The following EIF2AK2 variants were observed in gnomAD, a reference collection of about 807,000 sequenced individuals.
The protein encoded by EIF2AK2 is interferon-induced, double-stranded RNA-activated protein kinase.
In EIF2AK2, 40 loss-of-function variants were observed where a neutral mutation model predicts 70.5. The observed-to-expected ratio is 0.57, with a 90% CI of 0.44 to 0.74. EIF2AK2 has a LOEUF of 0.74. EIF2AK2 is among the 30% of genes least tolerant of loss of function. EIF2AK2 has a pLI of 0.00. For missense variants in EIF2AK2, 555 were observed against 644.3 expected, an observed-to-expected ratio of 0.86 and a Z score of 1.50; for synonymous variants, 198 against 220.9, an observed-to-expected ratio of 0.90 and a Z score of 0.92.
intron 2 of EIF2AK2, chr2:37,148,437 A>C: frequency 5.2e-6 from 2 of 386,884 alleles, no homozygotes; most frequent in Non-Finnish European, 4.9e-6. Context: ...TCCTGCCGGA[A>C]GCCAGGCGGA....
At position 37,109,231 on chromosome 2, in the gene EIF2AK2, A is replaced by T; in HGVS notation, c.1442T>A (p.Leu481His). 6.2e-7 allele frequency: 1 copy of T among 1,614,212 alleles called. No individual in the cohort carries two copies. Among genetic ancestry groups the T allele is most frequent in the Non-Finnish European group, 8.5e-7 (1 of 1,180,032 alleles). Residue 481 changes from leucine (L) to histidine (H), a missense_variant, in exon 15 of 17, where the codon CTT (leucine) becomes CAT (histidine). By Grantham distance (99) the Leu-to-His change is moderately conservative. Around this residue, in one of 3 missense-constraint regions of EIF2AK2, gnomAD observed 299 missense variants for 375.4 expected, o/e 0.80. Coordinates refer to ENST00000233057, the MANE Select transcript of EIF2AK2 (RefSeq NM_001135651.3). ...AAAAGCAGTGTCACATACATGAAGAAGTTCAGCAAGAATTAGCCCCAAAGC... is the reference window on the plus strand; with the variant it reads ...AAAAGCAGTGTCACATACATGAAGATGTTCAGCAAGAATTAGCCCCAAAGC... Reference protein sequence around the residue: ...LYALGLILAELLHVCDTAFET... With the variant: ...LYALGLILAEHLHVCDTAFET...
In EIF2AK2 at chr2:37,099,865, G is replaced by A. The variant is rs1346569286; in HGVS notation, c.*7408C>T. 6.6e-6 allele frequency: 1 copy of A among 152,204 alleles called. No individual in the cohort carries two copies. The highest frequency in any genetic ancestry group is 1.5e-5 in the Non-Finnish European group (1 of 68,036). 9.4% of individuals were successfully genotyped at this position (152,204 alleles called of 1,614,324 possible). ...TGCTGATTCATGCCACAGCTGGGATGCACCTTGAAAATATACTCAGTGAAA... is the reference window on the plus strand; with the variant it reads ...TGCTGATTCATGCCACAGCTGGGATACACCTTGAAAATATACTCAGTGAAA... On this transcript the variant is annotated 3_prime_UTR_variant, in exon 17 of 17. Coordinates refer to ENST00000233057, the MANE Select transcript of EIF2AK2 (RefSeq NM_001135651.3).
chr2:37,127,050 A>G (rs1393101314), intron 10 of EIF2AK2, among the ~76,000 whole-genome samples: 1 of 147,490 alleles, frequency 6.8e-6, no homozygotes, highest in African/African-American at 2.5e-5. Context: ...AGGAACTGCT[A>G]TATTGTGCTC....
In EIF2AK2 at chr2:37,156,939, G is replaced by A; in HGVS notation, c.-215C>T. On this transcript the variant is annotated 5_prime_UTR_variant, in exon 1 of 17. Coordinates refer to ENST00000233057, the MANE Select transcript of EIF2AK2 (RefSeq NM_001135651.3). ...CGCCGCCGCCGCCGCCGCCGCCGCC[G>A]GCCGGAGACCCGCGGCTTCGGGAGA... 5.4e-6 allele frequency: 1 copy of A among 185,642 alleles called. No individual in the cohort carries two copies. 11.5% of individuals were successfully genotyped at this position (185,642 alleles called of 1,614,324 possible). A position where few individuals can be genotyped will look rare whatever the true frequency, so the allele number is the denominator to read the frequency against.
chr2:37,125,615 G>GC (rs1206136848), intron 11 of EIF2AK2, among the ~76,000 whole-genome samples: 1 of 152,176 alleles, frequency 6.6e-6, no homozygotes, highest in Non-Finnish European at 1.5e-5. Flanking sequence ...TGAACTTCCA[G>GC]CCCACAGCCG....
intron 1 of EIF2AK2, among the ~76,000 whole-genome samples, chr2:37,151,371 A>T (rs943863531): frequency 6.6e-6 from 1 of 152,208 alleles, no homozygotes; most frequent in African/African-American, 2.4e-5. Context: ...TCATTAAAGA[A>T]ATGGAATTCA....
intron 10 of EIF2AK2, among the ~76,000 whole-genome samples, chr2:37,131,948 A>G (rs1026992720): frequency 6.6e-6 from 1 of 152,182 alleles, no homozygotes; most frequent in Non-Finnish European, 1.5e-5. Context: ...AACCATTCCA[A>G]TGCCCAAATT....
rs1675823568 is a variant in EIF2AK2, at chr2:37,153,688, T to G, written c.-184+3220A>C. ...CTTTCCTTTTTAAGGCTGAATAATA[T>G]TCCGTTGTGTATATATACCATATTT... On this transcript the variant is annotated intron_variant, in intron 1 of 16. Transcript: ENST00000233057. Among the ~76,000 whole-genome samples, 4 of 152,186 alleles carry G rather than the reference T, an allele frequency of 2.6e-5. No individual in the cohort carries two copies. The South Asian group carries it at 8.3e-4, about 32-fold the overall frequency.
At chr2:37,149,558 G>A (rs1208002160) in intron 1 of EIF2AK2, among the ~76,000 whole-genome samples, 1 of 106,094 alleles carries the variant, frequency 9.4e-6, no homozygotes, top group Non-Finnish European at 2.1e-5. Flanking sequence ...CAATGTGCAC[G>A]GTTCCCATGG....
intron 1 of EIF2AK2, chr2:37,149,326 G>A: frequency 1.2e-6 from 1 of 821,632 alleles, no homozygotes; most frequent in Non-Finnish European, 2.0e-6. Flanking sequence ...AAACTATGGG[G>A]CCTTTAAAGG....
At chr2:37,154,189 G>A (rs1229363853) in intron 1 of EIF2AK2, among the ~76,000 whole-genome samples, 1 of 152,040 alleles carries the variant, frequency 6.6e-6, no homozygotes, top group Admixed American at 6.6e-5. Flanking sequence ...AGCCGGGGTG[G>A]TGGCACATGC....
At chr2:37,120,508 C>CAAA (rs1355178517) in intron 12 of EIF2AK2, among the ~76,000 whole-genome samples, 2 of 6,902 alleles carry the variant, frequency 2.9e-4, no homozygotes, top group Non-Finnish European at 8.1e-4. Flanking sequence ...TTCCGTCTCA[C>CAAA]AAAAAAAAAA....
chr2:37,119,395 G>A (rs188940061), intron 13 of EIF2AK2, among the ~76,000 whole-genome samples: 1 of 152,058 alleles, frequency 6.6e-6, no homozygotes, highest in Non-Finnish European at 1.5e-5. Context: ...AGTCAACAGA[G>A]TCCCCTCTGC....
At chr2:37,131,029 T>C (rs189951123) in intron 10 of EIF2AK2, among the ~76,000 whole-genome samples, 1 of 152,284 alleles carries the variant, frequency 6.6e-6, no homozygotes, top group East Asian at 1.9e-4. Flanking sequence ...TCCCATTTCC[T>C]AAGACAAAAA....
intron 12 of EIF2AK2, among the ~76,000 whole-genome samples, chr2:37,121,240 G>A (rs1319198599): frequency 8.1e-6 from 1 of 122,788 alleles, no homozygotes; most frequent in Non-Finnish European, 1.6e-5. Context: ...TCCAGCCTGT[G>A]CGACAGTGCG....
In EIF2AK2 at chr2:37,141,643, T is replaced by C. The variant is rs761602676; in HGVS notation, c.299A>G (p.Asn100Ser). Residue 100 changes from asparagine (N) to serine (S), a missense_variant, in exon 5 of 17, where the codon AAT becomes AGT. Around this residue, in one of 3 missense-constraint regions of EIF2AK2, gnomAD observed 208 missense variants for 191.8 expected, o/e 1.08. Coordinates refer to ENST00000233057, the MANE Select transcript of EIF2AK2 (RefSeq NM_001135651.3). Reference sequence around the variant, plus strand: ...AATTCTATTGATAAGGCCTATGTAATTCCCCATGGATAATCCTTCTGAAGA... The same window carrying C: ...AATTCTATTGATAAGGCCTATGTAACTCCCCATGGATAATCCTTCTGAAGA... Reference protein sequence around the residue: ...TNSSEGLSMGNYIGLINRIAQ... With the variant: ...TNSSEGLSMGSYIGLINRIAQ... 6.2e-7 allele frequency: 1 copy of C among 1,614,088 alleles called. No homozygotes were observed. The highest frequency in any genetic ancestry group is 8.5e-7 in the Non-Finnish European group (1 of 1,179,982).
chr2:37,114,868 A>G lies in EIF2AK2; in HGVS notation c.1249-9T>C, dbSNP rs1386563290. 5.9e-6 allele frequency: 9 copies of G among 1,538,408 alleles called. No individual in the cohort carries two copies. The highest frequency in any genetic ancestry group is 7.0e-6 in the Non-Finnish European group (8 of 1,142,688). On this transcript the variant is annotated splice_polypyrimidine_tract_variant and intron_variant, in intron 13 of 16. Coordinates refer to ENST00000233057, the MANE Select transcript of EIF2AK2 (RefSeq NM_001135651.3). The stretch of plus-strand genomic sequence containing the variant: ...AAGAATATATTACTTGGCTATGAAA[A>G]AAAAAAATTTAACTTACATGTACCA...
intron 4 of EIF2AK2, among the ~76,000 whole-genome samples, chr2:37,145,742 C>CTTTT (rs56051707): frequency 2.0e-5 from 1 of 51,198 alleles, no homozygotes; most frequent in Admixed American, 3.3e-4. Context: ...TTTTGCTTGT[C>CTTTT]TTTTTTTTTT....
chr2:37,151,143 T>C (rs186914179), intron 1 of EIF2AK2, among the ~76,000 whole-genome samples: 3 of 152,240 alleles, frequency 2.0e-5, no homozygotes, highest in African/African-American at 7.2e-5. Context: ...AAGGACACTA[T>C]GAAGAAAATA....
Sources: gnomAD v4.1 joint callset for allele counts (sites outside exome capture counted in the v4.1 genomes callset) on GRCh38, gnomAD v4.1.1 for gene constraint, gnomAD v4.1.1 regional missense constraint, MANE v1.5 for transcripts, NCBI Gene and HGNC (gene_info 2026-07-23, HGNC 2026-07-21) for gene names.